PRSS23: variants seen among roughly 807,000 people sequenced by gnomAD.
PRSS23 encodes the protein protease, serine 23.
PRSS23 carries 25 observed loss-of-function variants against 34.7 expected under a neutral mutation model. The ratio of observed to expected loss-of-function variants is 0.72; its 90% confidence interval spans 0.53 to 1.01. PRSS23 has a LOEUF of 1.01. Among genes scored for constraint, PRSS23 ranks in the 50% least tolerant of loss-of-function variants. The pLI, the probability that PRSS23 is intolerant of heterozygous loss-of-function variation, is 0.00. For synonymous variants in PRSS23, 176 were observed against 186.6 expected, an observed-to-expected ratio of 0.94 and a Z score of 0.46; for missense variants, 445 against 475.6, an observed-to-expected ratio of 0.94 and a Z score of 0.60.
intron 2 of PRSS23, chr11:86,937,252 A>G (rs1030993632): frequency 6.6e-6 from 1 of 152,260 alleles, no homozygotes; most frequent in Non-Finnish European, 1.5e-5. Flanking sequence ...CCATCTCCCC[A>G]GAAAAAAGAC....
intron 2 of PRSS23, among the ~76,000 whole-genome samples, chr11:86,874,648 C>G (rs1948710483): frequency 6.6e-6 from 1 of 152,220 alleles, no homozygotes; most frequent in African/African-American, 2.4e-5. Context: ...TGACTGATTG[C>G]TACAGTTACC....
intron 1 of PRSS23, among the ~76,000 whole-genome samples, chr11:86,800,854 G>A (rs1187803136): frequency 1.3e-5 from 2 of 152,152 alleles, no homozygotes; most frequent in Non-Finnish European, 1.5e-5. Context: ...GGCGGGGGCT[G>A]CAGGTCATTT....
In PRSS23 at chr11:86,809,077, C is replaced by A; in HGVS notation, c.*282C>A. The A allele has an allele frequency of 3.1e-6, 1 of 320,058 alleles. No individual in the cohort carries two copies. The highest frequency in any genetic ancestry group is 6.0e-6 in the Non-Finnish European group (1 of 167,000). 19.8% of individuals were successfully genotyped at this position (320,058 alleles called of 1,614,324 possible). A position where few individuals can be genotyped will look rare whatever the true frequency, so the allele number is the denominator to read the frequency against. ...ATTTGGGGCAATGAGGAATATTTGA[C>A]AATTAAGTTAATCTTCACGTTTTTG... is the stretch of plus-strand genomic sequence containing the variant. On this transcript the variant is annotated 3_prime_UTR_variant, in exon 2 of 2. Transcript: ENST00000280258.
intron 2 of PRSS23, among the ~76,000 whole-genome samples, chr11:86,852,170 T>C (rs1486474943): frequency 6.6e-6 from 1 of 152,108 alleles, no homozygotes; most frequent in East Asian, 1.9e-4. Flanking sequence ...TGGTGCACGA[T>C]GGAGTCTCAG....
chr11:86,939,426 A>ATATATATATTTTTTTTT lies in PRSS23; in HGVS notation c.207-11789_207-11788insATATATATTTTTTTTTT. ...AAAATATATATATATATATATATAT[A>ATATATATATTTTTTTTT]TTTTTTAACATGAGTAAAAATTGCA... On this transcript the variant is annotated intron_variant, in intron 2 of 2. Transcript: ENST00000533902. 2.7e-3 allele frequency among the ~76,000 whole-genome samples: 255 copies of ATATATATATTTTTTTTT among 94,020 alleles called. 3 individuals carry two copies. Among genetic ancestry groups the ATATATATATTTTTTTTT allele is most frequent in the East Asian group, 0.011 (37 of 3,368 alleles). The allele number at this position is 94,020 out of a possible 152,430, so 61.7% of individuals were successfully genotyped here. A position where few individuals can be genotyped will look rare whatever the true frequency, so the allele number is the denominator to read the frequency against.
chr11:86,915,017 T>C (rs1480130110), intron 2 of PRSS23, among the ~76,000 whole-genome samples: 2 of 152,200 alleles, frequency 1.3e-5, no homozygotes, highest in Admixed American at 1.3e-4. Context: ...AGCCTGCCTT[T>C]CTGGGAACAG....
At chr11:86,841,690 G>A (rs1268502931) in intron 2 of PRSS23, among the ~76,000 whole-genome samples, 1 of 152,122 alleles carries the variant, frequency 6.6e-6, no homozygotes, top group Admixed American at 6.5e-5. Context: ...AGAAGAAATG[G>A]ATATATTCCT....
intron 2 of PRSS23, among the ~76,000 whole-genome samples, chr11:86,884,211 T>TA (rs772381091): frequency 6.6e-6 from 1 of 152,232 alleles, no homozygotes; most frequent in African/African-American, 2.4e-5. Context: ...CCTTGACTGT[T>TA]ACATCTATCG....
At chr11:86,930,811 G>A (rs1252347827) in intron 2 of PRSS23, among the ~76,000 whole-genome samples, 3 of 143,070 alleles carry the variant, frequency 2.1e-5, no homozygotes, top group African/African-American at 5.0e-5. Flanking sequence ...AAAAAGAACG[G>A]CTGACCAGAA....
At chr11:86,805,505 A>G (rs1308382791) in intron 1 of PRSS23, among the ~76,000 whole-genome samples, 1 of 152,232 alleles carries the variant, frequency 6.6e-6, no homozygotes, top group Admixed American at 6.5e-5. Context: ...AATTAAATGT[A>G]TTTCCTTCCT....
chr11:86,879,610 G>A, intron 2 of PRSS23, among the ~76,000 whole-genome samples: 1 of 134,586 alleles, frequency 7.4e-6, no homozygotes, highest in South Asian at 2.6e-4. Flanking sequence ...CCTCTGCCCG[G>A]CCGCCCCTAC....
intron 1 of PRSS23, among the ~76,000 whole-genome samples, chr11:86,804,990 T>C (rs1220068710): frequency 1.3e-5 from 2 of 152,230 alleles, no homozygotes; most frequent in East Asian, 1.9e-4. Context: ...CTCCGCATTC[T>C]GTGTTTTCTT....
chr11:86,930,027 G>T (rs544188766), intron 2 of PRSS23, among the ~76,000 whole-genome samples: 206 of 151,980 alleles, frequency 1.4e-3, no homozygotes, highest in African/African-American at 4.6e-3. Context: ...TTTGTTATTT[G>T]CTAATATATA....
At chr11:86,929,660 T>A (rs965559576) in intron 2 of PRSS23, among the ~76,000 whole-genome samples, 70 of 152,356 alleles carry the variant, frequency 4.6e-4, no homozygotes, top group African/African-American at 1.6e-3. Context: ...TACAAACTCA[T>A]ATACAATTTG....
intron 2 of PRSS23, chr11:86,921,474 C>G (rs181312911): frequency 6.6e-6 from 1 of 152,302 alleles, no homozygotes; most frequent in Admixed American, 6.5e-5. Flanking sequence ...AAATTATTCA[C>G]TCAATCCAGT....
exon 3 of PRSS23, chr11:86,951,462 T>C (rs1224375853): frequency 6.2e-7 from 1 of 1,614,064 alleles, no homozygotes; most frequent in South Asian, 1.1e-5. Flanking sequence ...ACCATCAGTC[T>C]TTCTAACTTG....
chr11:86,871,551 C>CT (rs1231088644), intron 2 of PRSS23, among the ~76,000 whole-genome samples: 10 of 152,218 alleles, frequency 6.6e-5, no homozygotes, highest in Admixed American at 6.5e-4. Context: ...GCCCCAAACT[C>CT]TATTTCTATT....
At chr11:86,951,623 T>A in exon 3 of PRSS23, 2 of 1,614,180 alleles carry the variant, frequency 1.2e-6, no homozygotes, top group Non-Finnish European at 1.7e-6. Context: ...GTTTCCAACA[T>A]AGCACAAGCC....
At chr11:86,949,968 T>C (rs1226036021) in intron 2 of PRSS23, 1 of 152,444 alleles carries the variant, frequency 6.6e-6, no homozygotes, top group East Asian at 1.9e-4. Flanking sequence ...GTAGACCAGA[T>C]TCTGATAACA....
Sources: gnomAD v4.1 joint callset for allele counts (sites outside exome capture counted in the v4.1 genomes callset) on GRCh38, gnomAD v4.1.1 for gene constraint, MANE v1.5 for transcripts, NCBI Gene and HGNC (gene_info 2026-07-23, HGNC 2026-07-21) for gene names.